The following RTN3 variants were observed in gnomAD, a reference collection of about 807,000 sequenced individuals.
RTN3 encodes reticulon 3.
Under a neutral mutation model 77.8 loss-of-function variants are expected in RTN3, and 49 were observed. The ratio of observed to expected loss-of-function variants is 0.63; its 90% CI spans 0.50 to 0.80. The LOEUF (loss-of-function observed/expected upper bound fraction) is 0.80. RTN3 is among the 30% of genes least tolerant of loss of function. The pLI is 0.00. For synonymous variants in RTN3, 464 were observed against 446.9 expected (o/e 1.04, Z -0.48); for missense variants, 1,236 against 1,211.9 (o/e 1.02, Z -0.29).
At chr11:63,754,191 G>C (rs900487717) in intron 7 of RTN3, among the ~76,000 whole-genome samples, 1 of 152,112 alleles carries the variant, frequency 6.6e-6, no homozygotes, top group African/African-American at 2.4e-5. Context: ...ACTTGAGCCT[G>C]GGAGACAGAG....
intron 3 of RTN3, among the ~76,000 whole-genome samples, chr11:63,735,601 T>TCTCTCTCTC (rs1590864655): frequency 2.0e-5 from 3 of 146,502 alleles, no homozygotes; most frequent in African/African-American, 5.3e-5. Flanking sequence ...TCTCTCTCTC[T>TCTCTCTCTC]TTCTTTCAAC....
intron 3 of RTN3, among the ~76,000 whole-genome samples, chr11:63,725,558 C>T (rs2134937551): frequency 6.6e-6 from 1 of 152,168 alleles, no homozygotes; most frequent in Non-Finnish European, 1.5e-5. Flanking sequence ...ATGCCATTCT[C>T]CCGCCTCAGC....
intron 2 of RTN3, among the ~76,000 whole-genome samples, chr11:63,718,357 A>G (rs2134815915): frequency 6.6e-6 from 1 of 152,334 alleles, no homozygotes. Context: ...GATTAGCTCT[A>G]TCAAAGAATA....
intron 3 of RTN3, among the ~76,000 whole-genome samples, chr11:63,721,574 CAA>C (rs768609092): frequency 3.6e-4 from 20 of 55,508 alleles, no homozygotes; most frequent in East Asian, 5.3e-4. Context: ...GACTCTGTCT[CAA>C]AAAAAAAAAA....
intron 5 of RTN3, 138 bp downstream of exon 5, chr11:63,752,783 G>A (rs2014174719): frequency 2.2e-6 from 2 of 912,404 alleles, no homozygotes; most frequent in Non-Finnish European, 3.4e-6. Flanking sequence ...TAATGGGATA[G>A]GTGTCACTAG....
chr11:63,735,002 TATATA>T (rs1480925348), intron 3 of RTN3, among the ~76,000 whole-genome samples: 1 of 152,142 alleles, frequency 6.6e-6, no homozygotes, highest in Non-Finnish European at 1.5e-5. Context: ...ATTTTGTTGT[TATATA>T]TTAATAGCAA....
intron 1 of RTN3, among the ~76,000 whole-genome samples, chr11:63,689,844 G>GC (rs1245272415): frequency 1.3e-5 from 2 of 151,422 alleles, no homozygotes; most frequent in Non-Finnish European, 2.9e-5. Context: ...TGCAACCTCC[G>GC]CCCCCCGGGT....
At chr11:63,748,687 A>G (rs1303532844) in intron 3 of RTN3, among the ~76,000 whole-genome samples, 1 of 71,766 alleles carries the variant, frequency 1.4e-5, no homozygotes, top group African/African-American at 6.3e-5. Context: ...TTTTTTTTTT[A>G]GACGGAGTTT....
At chr11:63,733,961 T>C in intron 3 of RTN3, among the ~76,000 whole-genome samples, 1 of 152,046 alleles carries the variant, frequency 6.6e-6, no homozygotes, top group East Asian at 1.9e-4. Context: ...CATATATATA[T>C]ACACACACAC....
At chr11:63,735,717 AT>A (rs2013076486) in intron 3 of RTN3, among the ~76,000 whole-genome samples, 1 of 152,068 alleles carries the variant, frequency 6.6e-6, no homozygotes. Flanking sequence ...TTTAGTAAAG[AT>A]GGAGTTTTGC....
chr11:63,746,715 G>A (rs557770328), intron 3 of RTN3, among the ~76,000 whole-genome samples: 1 of 151,926 alleles, frequency 6.6e-6, no homozygotes, highest in Non-Finnish European at 1.5e-5. Flanking sequence ...GGGGTTTCAC[G>A]ATGTTAGCCA....
chr11:63,735,570 CT>C (rs2013049155), intron 3 of RTN3, among the ~76,000 whole-genome samples: 1 of 145,470 alleles, frequency 6.9e-6, no homozygotes, highest in Non-Finnish European at 1.5e-5. Context: ...CTCTCTCTCT[CT>C]CTCTCTCTCT....
chr11:63,695,854 G>A (rs939220236), intron 1 of RTN3, among the ~76,000 whole-genome samples: 4 of 152,084 alleles, frequency 2.6e-5, no homozygotes, highest in Admixed American at 6.6e-5. Flanking sequence ...GAAAAGGGGC[G>A]TTAGGGAAAA....
chr11:63,709,428 G>A (rs1038552771), intron 2 of RTN3, among the ~76,000 whole-genome samples: 2 of 152,032 alleles, frequency 1.3e-5, no homozygotes, highest in African/African-American at 4.8e-5. Context: ...ATTGGAAAGA[G>A]GATCCATCCA....
At position 63,719,351 on chromosome 11, in the gene RTN3, A is replaced by G. The variant is rs1430489050; in HGVS notation, c.849A>G (p.Ser283=). The change falls in exon 3 of 9, where the codon TCA becomes TCG. Residue 283 remains serine (S), a synonymous_variant. Coordinates refer to ENST00000377819, the MANE Select transcript of RTN3 (RefSeq NM_001265589.2). ...GSWSVHTDKE[S]SEDISETNDK... is the part of the protein sequence containing the mutation. ...GGTCTGTGCACACTGATAAAGAATC[A>G]TCCGAAGACATTTCAGAGACTAATG... 6.2e-7 allele frequency: 1 copy of G among 1,614,234 alleles called. No homozygotes were observed. Among genetic ancestry groups the G allele is most frequent in the Non-Finnish European group, 8.5e-7 (1 of 1,180,040 alleles).
intron 1 of RTN3, among the ~76,000 whole-genome samples, chr11:63,682,949 A>G (rs574566829): frequency 2.5e-4 from 38 of 152,226 alleles, no homozygotes; most frequent in African/African-American, 8.7e-4. Context: ...GGGAGAGTAG[A>G]GATAATTTTG....
At chr11:63,732,890 T>C (rs776715379) in intron 3 of RTN3, among the ~76,000 whole-genome samples, 1 of 152,182 alleles carries the variant, frequency 6.6e-6, no homozygotes, top group Non-Finnish European at 1.5e-5. Flanking sequence ...ACTAATATTA[T>C]TCATGAACGT....
chr11:63,734,732 AAAAC>A (rs1375637723), intron 3 of RTN3, among the ~76,000 whole-genome samples: 1 of 119,998 alleles, frequency 8.3e-6, no homozygotes, highest in African/African-American at 3.7e-5. Context: ...ACTCTGTCTC[AAAAC>A]ACACACACAC....
At chr11:63,725,513 A>G (rs1017774903) in intron 3 of RTN3, among the ~76,000 whole-genome samples, 1 of 151,574 alleles carries the variant, frequency 6.6e-6, no homozygotes, top group Admixed American at 6.6e-5. Context: ...CAGTGGTGCA[A>G]TCTCCGCTCA....
Sources: gnomAD v4.1 joint callset for allele counts (sites outside exome capture counted in the v4.1 genomes callset) on GRCh38, gnomAD v4.1.1 for gene constraint, MANE v1.5 for transcripts, NCBI Gene and HGNC (gene_info 2026-07-23, HGNC 2026-07-21) for gene names.